Variants in KLHDC2 observed in about 807,000 individuals in gnomAD.
KLHDC2 encodes the protein kelch domain containing 2, also known as kelch domain-containing protein 2.
A neutral mutation model predicts 62.3 loss-of-function variants in KLHDC2; 38 were observed. The observed-to-expected ratio is 0.61, with a 90% confidence interval of 0.47 to 0.80. KLHDC2 has a LOEUF of 0.80. Ranked by LOEUF, KLHDC2 falls within the 30% of genes least tolerant of loss-of-function variation. The probability of loss-of-function intolerance (pLI) is 0.00; values close to 1 mark genes in which losing one functional copy is unlikely to be tolerated. For missense variants in KLHDC2, 430 were observed against 495.3 expected (o/e 0.87, Z 1.25); for synonymous variants, 159 against 161.0 (o/e 0.99, Z 0.09).
At chr14:49,777,224 C>G (rs1889790919) in intron 3 of KLHDC2, among the ~76,000 whole-genome samples, 1 of 86,324 alleles carries the variant, frequency 1.2e-5, no homozygotes, top group Non-Finnish European at 2.3e-5. Context: ...AAGTATGATA[C>G]AGTGGACTTT....
intron 3 of KLHDC2, 28 bp from the exon 4 acceptor site, chr14:49,777,811 C>T (rs777818506): frequency 1.6e-6 from 2 of 1,229,996 alleles, no homozygotes; most frequent in Non-Finnish European, 2.3e-6. Context: ...ATAAAACCAA[C>T]TCTAACTGAA....
At chr14:49,780,108 A>T in intron 8 of KLHDC2, 105 bp from the exon 9 acceptor site, 1 of 746,154 alleles carries the variant, frequency 1.3e-6, no homozygotes, top group Non-Finnish European at 2.3e-6. Context: ...TTTTAAACTT[A>T]AGGTCTCTTT....
chr14:49,775,018 G>A (rs1448689970), intron 3 of KLHDC2: 1 of 237,434 alleles, frequency 4.2e-6, no homozygotes, highest in Non-Finnish European at 8.2e-6. Context: ...GTAATGGAGG[G>A]AAGGGTAAAA....
In KLHDC2 at chr14:49,779,767, T is replaced by C; in HGVS notation, c.734T>C (p.Leu245Pro). 6.2e-7 allele frequency: 1 copy of C among 1,610,072 alleles called. No individual in the cohort carries two copies. Among genetic ancestry groups the C allele is most frequent in the Non-Finnish European group, 8.5e-7 (1 of 1,177,248 alleles). Residue 245 changes from leucine to proline, a missense_variant, in exon 8 of 13, where the codon CTT (leucine) becomes CCT (proline). Physicochemically the swap from Leu to Pro is moderately conservative, Grantham distance 98 (BLOSUM62 -3). Transcript: ENST00000298307. ...GRYRDARMND[L>P]HYLNLDTWEW... is the part of the protein sequence containing the mutation. ...TTTTAGGATGCTAGAATGAATGATC[T>C]TCACTATCTTAATCTGGATACATGG... is the stretch of plus-strand genomic sequence containing the variant.
chr14:49,772,317 T>C (rs1287042985), intron 2 of KLHDC2, among the ~76,000 whole-genome samples: 3 of 152,206 alleles, frequency 2.0e-5, no homozygotes, highest in Non-Finnish European at 4.4e-5. Flanking sequence ...AGATTTTAGA[T>C]TGTATAGAAT....
At position 49,779,591 on chromosome 14, in the gene KLHDC2, A is replaced by G; in HGVS notation, c.634-4A>G. 6.2e-7 allele frequency: 1 copy of G among 1,613,230 alleles called. No homozygotes were observed. The highest frequency in any genetic ancestry group is 1.1e-5 in the South Asian group (1 of 90,988). On this transcript the variant is annotated splice_polypyrimidine_tract_variant and splice_region_variant and intron_variant, in intron 6 of 12. Coordinates refer to ENST00000298307, the MANE Select transcript of KLHDC2 (RefSeq NM_014315.3). ...TCACTAACTTGCTTATGTGCCTCTA[A>G]TAGGGTAAAGCACCTTCACCTCGTG...
intron 3 of KLHDC2, among the ~76,000 whole-genome samples, chr14:49,776,302 C>T (rs1418221074): frequency 1.3e-5 from 2 of 152,112 alleles, no homozygotes; most frequent in African/African-American, 4.8e-5. Flanking sequence ...GAGGTAGTTA[C>T]AGAAACAGTA....
chr14:49,783,013 G>A lies in KLHDC2; in HGVS notation c.*60G>A. 1 of 1,541,284 alleles carries A rather than the reference G, an allele frequency of 6.5e-7. No individual in the cohort carries two copies. Among genetic ancestry groups the A allele is most frequent in the South Asian group, 1.2e-5 (1 of 83,460 alleles). On this transcript the variant is annotated 3_prime_UTR_variant, in exon 13 of 13. Coordinates refer to ENST00000298307, the MANE Select transcript of KLHDC2 (RefSeq NM_014315.3). ...GGACAGCAATCCTGTAAACATCACA[G>A]AGTGGCATCATTTGTATAATTATAT...
rs1006524590 is a variant in KLHDC2 at position 49,784,888 on chromosome 14, T to C, written c.*1935T>C. ...ACTGCTAACATTTTAAATTGTACTG[T>C]CAGTCTCCACATTCCTTTTCTGAAG... On this transcript the variant is annotated 3_prime_UTR_variant, in exon 13 of 13. Coordinates refer to ENST00000298307, the MANE Select transcript of KLHDC2 (RefSeq NM_014315.3). 10 of 1,545,718 alleles carry C rather than the reference T, an allele frequency of 6.5e-6. No homozygotes were observed. In the Admixed American group the frequency reaches 6.8e-5, roughly 10 times the overall value.
intron 6 of KLHDC2, among the ~76,000 whole-genome samples, chr14:49,779,239 T>G (rs1365196823): frequency 6.6e-6 from 1 of 152,214 alleles, no homozygotes; most frequent in East Asian, 1.9e-4. Flanking sequence ...AACTCTGCAC[T>G]ATACTGCAAT....
chr14:49,772,533 G>A (rs944092944), intron 2 of KLHDC2, among the ~76,000 whole-genome samples: 1 of 152,228 alleles, frequency 6.6e-6, no homozygotes, highest in Non-Finnish European at 1.5e-5. Context: ...GAATCAAGGT[G>A]TTTCTCAAAA....
intron 9 of KLHDC2, 65 bp from the exon 10 acceptor site, chr14:49,780,638 T>G: frequency 9.4e-7 from 1 of 1,067,478 alleles, no homozygotes; most frequent in Non-Finnish European, 1.5e-6. Context: ...TTGCCAAAGC[T>G]GTGCCCTTTA....
At chr14:49,779,230 ACT>A (rs372081703) in intron 6 of KLHDC2, among the ~76,000 whole-genome samples, 13 of 152,188 alleles carry the variant, frequency 8.5e-5, no homozygotes, top group Admixed American at 7.9e-4. Context: ...TAATTAAATA[ACT>A]CTGCACTATA....
intron 1 of KLHDC2, 22 bp from the exon 2 acceptor site, chr14:49,771,572 T>G: frequency 1.9e-6 from 2 of 1,068,456 alleles, no homozygotes; most frequent in Non-Finnish European, 2.9e-6. Context: ...GTTTTTATAT[T>G]TACAATTTTT....
chr14:49,785,155 G>C lies in KLHDC2; in HGVS notation c.*2202G>C. ...TTATATCTTTAAAAAGGAATTACAT[G>C]TGTTACTAAATAGACGTTACAAAAC... On this transcript the variant is annotated 3_prime_UTR_variant, in exon 13 of 13. Coordinates refer to ENST00000298307, the MANE Select transcript of KLHDC2 (RefSeq NM_014315.3). 1 of 1,599,358 alleles carries C rather than the reference G, an allele frequency of 6.3e-7. No individual in the cohort carries two copies. The highest frequency in any genetic ancestry group is 8.6e-7 in the Non-Finnish European group (1 of 1,166,792).
intron 10 of KLHDC2, 31 bp from the exon 11 acceptor site, chr14:49,782,339 G>T: frequency 6.7e-7 from 1 of 1,492,674 alleles, no homozygotes; most frequent in South Asian, 1.2e-5. Context: ...TGTTCTGGGT[G>T]GCTTCAAACT....
Position 49,768,255 on chromosome 14 carries a change from C to T in KLHDC2, c.-214C>T. ...CCGCCCGGCTCCGCTCGCGGCCCCT[C>T]TGTCTGCAGGCGTGCCCCGGCGGCG... On this transcript the variant is annotated 5_prime_UTR_variant, in exon 1 of 13. Coordinates refer to ENST00000298307, the MANE Select transcript of KLHDC2 (RefSeq NM_014315.3). 1 of 441,522 alleles carries T rather than the reference C, an allele frequency of 2.3e-6. No individual in the cohort carries two copies. The highest frequency in any genetic ancestry group is 3.9e-6 in the Non-Finnish European group (1 of 257,008). The allele number at this position is 441,522 out of a possible 1,614,324, so 27.4% of individuals were successfully genotyped here.
rs1491120021 is a variant in KLHDC2 at position 49,784,197 on chromosome 14, ATT to A, written c.*1245_*1246del. 6.5e-6 allele frequency: 1 copy of A among 152,972 alleles called. No homozygotes were observed. Among genetic ancestry groups the A allele is most frequent in the African/African-American group, 2.4e-5 (1 of 41,404 alleles). The allele number at this position is 152,972 out of a possible 1,614,324, so 9.5% of individuals were successfully genotyped here. On this transcript the variant is annotated 3_prime_UTR_variant, in exon 13 of 13. Coordinates refer to ENST00000298307, the MANE Select transcript of KLHDC2 (RefSeq NM_014315.3). Reference sequence around the variant, plus strand: ...ATATAAAACTGGGAAAAAAACAAGAATTAAGTCCTTTTGGTGAATATAGCAAG... The same window carrying A: ...ATATAAAACTGGGAAAAAAACAAGAAAAGTCCTTTTGGTGAATATAGCAAG...
chr14:49,778,561 G>GGGGGGGGGGGGA, intron 6 of KLHDC2, 67 bp downstream of exon 6: 1 of 297,528 alleles, frequency 3.4e-6, no homozygotes, highest in Non-Finnish European at 7.1e-6. Flanking sequence ...TGGGGTAGGG[G>GGGGGGGGGGGGA]AGAGGGGTGC....
Sources: gnomAD v4.1 joint callset for allele counts (sites outside exome capture counted in the v4.1 genomes callset) on GRCh38, gnomAD v4.1.1 for gene constraint, MANE v1.5 for transcripts, NCBI Gene and HGNC (gene_info 2026-07-23, HGNC 2026-07-21) for gene names.